The following CADM2 variants were observed in gnomAD, a reference collection of about 807,000 sequenced individuals.
CADM2 encodes cell adhesion molecule 2, also known as immunoglobulin superfamily member 4D.
CADM2 carries 12 observed loss-of-function variants against 49.8 expected under a neutral mutation model. The observed-to-expected ratio is 0.24, with a 90% CI of 0.15 to 0.39. CADM2 has a LOEUF of 0.39. Among genes scored for constraint, CADM2 ranks in the 10% least tolerant of loss-of-function variants. The probability of loss-of-function intolerance (pLI) is 1.00; values close to 1 mark genes in which losing one functional copy is unlikely to be tolerated. For synonymous variants in CADM2, 214 were observed against 175.4 expected (o/e 1.22, Z -1.74); for missense variants, 378 against 492.3 (o/e 0.77, Z 2.20).
chr3:85,404,817 T>G (rs2035295025), intron 1 of CADM2, among the ~76,000 whole-genome samples: 2 of 152,186 alleles, frequency 1.3e-5, no homozygotes, highest in African/African-American at 4.8e-5. Flanking sequence ...TTACTTTGAA[T>G]AGCATCTTAA....
intron 1 of CADM2, among the ~76,000 whole-genome samples, chr3:85,436,554 T>C (rs547568190): frequency 4.6e-5 from 7 of 152,304 alleles, no homozygotes; most frequent in African/African-American, 1.7e-4. Context: ...GGGTTTGTTA[T>C]AAATAGCTCT....
chr3:85,220,012 T>A (rs941980167), intron 1 of CADM2, among the ~76,000 whole-genome samples: 1 of 152,146 alleles, frequency 6.6e-6, no homozygotes, highest in Admixed American at 6.6e-5. Context: ...ATAGATAAAA[T>A]TAAAAATTGT....
chr3:85,543,662 T>G (rs1187592122), intron 1 of CADM2, among the ~76,000 whole-genome samples: 2 of 152,010 alleles, frequency 1.3e-5, no homozygotes, highest in African/African-American at 4.8e-5. Context: ...AAACAGAAAT[T>G]TATAGGGTCA....
intron 2 of CADM2, among the ~76,000 whole-genome samples, chr3:85,736,280 C>T (rs79583099): frequency 6.6e-6 from 1 of 152,174 alleles, no homozygotes; most frequent in African/African-American, 2.4e-5. Flanking sequence ...TTGGTAATTG[C>T]CAATTACTAT....
chr3:85,204,158 T>C (rs981959752), intron 1 of CADM2, among the ~76,000 whole-genome samples: 3 of 152,232 alleles, frequency 2.0e-5, no homozygotes, highest in African/African-American at 7.2e-5. Context: ...TCATTGTTTT[T>C]AAAAATTTAT....
intron 5 of CADM2, among the ~76,000 whole-genome samples, chr3:85,903,425 T>A (rs1577615995): frequency 6.6e-6 from 1 of 152,146 alleles, no homozygotes; most frequent in East Asian, 1.9e-4. Context: ...TGAAAAATAT[T>A]TTATTTCACC....
intron 1 of CADM2, among the ~76,000 whole-genome samples, chr3:85,726,027 A>C (rs536154437): frequency 1.6e-4 from 24 of 152,008 alleles, no homozygotes; most frequent in Non-Finnish European, 3.2e-4. Context: ...GAAGGGCAAC[A>C]AAACTTACTT....
chr3:85,612,544 CA>C (rs1467027187), intron 1 of CADM2, among the ~76,000 whole-genome samples: 2 of 151,650 alleles, frequency 1.3e-5, no homozygotes, highest in Admixed American at 6.6e-5. Context: ...CATACCTTAG[CA>C]GTTACTTAAA....
At chr3:85,494,283 T>G (rs1340830216) in intron 1 of CADM2, among the ~76,000 whole-genome samples, 1 of 152,172 alleles carries the variant, frequency 6.6e-6, no homozygotes, top group African/African-American at 2.4e-5. Flanking sequence ...GTTTCATATT[T>G]TAAAAAACAT....
intron 1 of CADM2, among the ~76,000 whole-genome samples, chr3:85,014,845 C>G (rs763766758): frequency 1.3e-5 from 2 of 152,124 alleles, no homozygotes; most frequent in Non-Finnish European, 2.9e-5. Context: ...CGCAAAACAA[C>G]TCTGGTACAA....
intron 1 of CADM2, among the ~76,000 whole-genome samples, chr3:85,721,121 T>C (rs1219466521): frequency 6.6e-6 from 1 of 152,186 alleles, no homozygotes; most frequent in Non-Finnish European, 1.5e-5. Context: ...TTTTGTTACA[T>C]GAGTGATCTC....
chr3:85,862,234 A>G (rs973484062), intron 3 of CADM2, among the ~76,000 whole-genome samples: 1 of 152,082 alleles, frequency 6.6e-6, no homozygotes, highest in Non-Finnish European at 1.5e-5. Context: ...GGTCCTCTCA[A>G]TTAGGATATT....
chr3:85,769,905 C>G (rs1193392700), intron 2 of CADM2, among the ~76,000 whole-genome samples: 1 of 151,720 alleles, frequency 6.6e-6, no homozygotes, highest in Non-Finnish European at 1.5e-5. Flanking sequence ...TGTTTTGATG[C>G]TAGAACATAA....
In CADM2 at chr3:85,552,370, T is replaced by G. The variant is rs1329976230; in HGVS notation, c.62-174152T>G. On this transcript the variant is annotated intron_variant, in intron 1 of 9. Coordinates refer to ENST00000383699, the MANE Select transcript of CADM2 (RefSeq NM_001167675.2). ...ATAATTAAATCACTTTGAAAAGTTT[T>G]TTTTTTTTTTTTTTTTTTTTTTTTT... 4.8e-3 allele frequency among the ~76,000 whole-genome samples: 49 copies of G among 10,218 alleles called. 2 individuals carry two copies. The highest frequency in any genetic ancestry group is 6.3e-3 in the African/African-American group (48 of 7,600). 6.7% of individuals were successfully genotyped at this position (10,218 alleles called of 152,430 possible). A position where few individuals can be genotyped will look rare whatever the true frequency, so the allele number is the denominator to read the frequency against.
chr3:85,393,087 T>C (rs2107404261), intron 1 of CADM2, among the ~76,000 whole-genome samples: 1 of 34,224 alleles, frequency 2.9e-5, no homozygotes, highest in South Asian at 8.8e-4. Context: ...AAGTAAACTC[T>C]TTAAAAAAAA....
intron 5 of CADM2, among the ~76,000 whole-genome samples, chr3:85,910,406 C>G (rs1285785906): frequency 6.6e-6 from 1 of 151,850 alleles, no homozygotes; most frequent in Non-Finnish European, 1.5e-5. Context: ...GTGAAAGAAC[C>G]TTATAATATT....
chr3:85,947,773 C>T (rs1722922643), intron 7 of CADM2, among the ~76,000 whole-genome samples: 1 of 151,386 alleles, frequency 6.6e-6, no homozygotes, highest in African/African-American at 2.4e-5. Context: ...TTAGGCTGGG[C>T]ATGGGCATCT....
chr3:85,936,069 C>T (rs913842168), intron 7 of CADM2, among the ~76,000 whole-genome samples: 9 of 151,310 alleles, frequency 5.9e-5, no homozygotes, highest in Non-Finnish European at 1.3e-4. Flanking sequence ...GGGAAGATTT[C>T]CAGCTGTTAT....
At chr3:85,682,561 G>T (rs2066070171) in intron 1 of CADM2, among the ~76,000 whole-genome samples, 1 of 151,958 alleles carries the variant, frequency 6.6e-6, no homozygotes, top group African/African-American at 2.4e-5. Flanking sequence ...AAAAATGTTT[G>T]TTTTACATAT....
Sources: gnomAD v4.1 joint callset for allele counts (sites outside exome capture counted in the v4.1 genomes callset) on GRCh38, gnomAD v4.1.1 for gene constraint, MANE v1.5 for transcripts, NCBI Gene and HGNC (gene_info 2026-07-23, HGNC 2026-07-21) for gene names.